The following FAM240C variants were observed in gnomAD, a reference collection of about 807,000 sequenced individuals.
FAM240C encodes the protein family with sequence similarity 240 member C, also known as protein FAM240C.
Under a neutral mutation model 10.0 loss-of-function variants are expected in FAM240C, and 14 were observed. The observed-to-expected ratio is 1.40, with a 90% CI of 0.92 to 2.19. FAM240C has a LOEUF of 2.19. Among genes scored for constraint, FAM240C ranks in the 30% most tolerant of loss-of-function variants. The pLI is 0.00. For synonymous variants in FAM240C, 49 were observed against 44.3 expected (o/e 1.11, Z -0.42); for missense variants, 154 against 122.3 (o/e 1.26, Z -1.22).
upstream of FAM240C, among the ~76,000 whole-genome samples, chr2:241,901,005 C>T (rs1701969793): frequency 2.0e-5 from 3 of 152,052 alleles, no homozygotes; most frequent in African/African-American, 7.2e-5. The surrounding 1 kb of genome is among the most constrained non-coding windows in gnomAD (Gnocchi z 4.9). Flanking sequence ...GGTGTAAATT[C>T]CAGACCTTGG....
intron 2 of FAM240C, among the ~76,000 whole-genome samples, chr2:241,896,543 GT>G (rs1701813313): frequency 5.3e-5 from 6 of 113,912 alleles, no homozygotes; most frequent in East Asian, 2.2e-4. Context: ...GGGTGTGGGT[GT>G]TGGGGTGTGT....
rs1456330234 is a variant in FAM240C, at chr2:241,894,174, C to T, written c.*39G>A. ...ACGCGTGGTGTTCCTTCTCCATGACCCTCCGGAAGCTCATGCAGAGTCTGG... is the reference window on the plus strand; with the variant it reads ...ACGCGTGGTGTTCCTTCTCCATGACTCTCCGGAAGCTCATGCAGAGTCTGG... On this transcript the variant is annotated 3_prime_UTR_variant, in exon 3 of 3. Transcript: ENST00000404031. 6.5e-7 allele frequency: 1 copy of T among 1,531,396 alleles called. No individual in the cohort carries two copies. The highest frequency in any genetic ancestry group is 8.8e-7 in the Non-Finnish European group (1 of 1,132,326). The allele number at this position is 1,531,396 out of a possible 1,614,324, so 94.9% of individuals were successfully genotyped here.
At chr2:241,898,898 G>A (rs1464715247) in intron 1 of FAM240C, among the ~76,000 whole-genome samples, 1 of 152,256 alleles carries the variant, frequency 6.6e-6, no homozygotes, top group Non-Finnish European at 1.5e-5. Context: ...GCTCCTCGGG[G>A]CCTATGGGGT....
At chr2:241,899,342 C>T in intron 1 of FAM240C, 1 of 985,410 alleles carries the variant, frequency 1.0e-6, no homozygotes, top group Non-Finnish European at 1.2e-6. Flanking sequence ...GATGCCACGC[C>T]CTTTGTTCCA....
chr2:241,898,381 G>A (rs1367167730), intron 1 of FAM240C, among the ~76,000 whole-genome samples: 2 of 152,060 alleles, frequency 1.3e-5, no homozygotes, highest in Non-Finnish European at 2.9e-5. Flanking sequence ...GTGAAACCCT[G>A]TCTCTACTAA....
At chr2:241,898,614 G>A (rs1559469704) in intron 1 of FAM240C, among the ~76,000 whole-genome samples, 1 of 151,896 alleles carries the variant, frequency 6.6e-6, no homozygotes, top group Non-Finnish European at 1.5e-5. Flanking sequence ...GACAGCAGCA[G>A]CCCCTTTTCT....
intron 1 of FAM240C, among the ~76,000 whole-genome samples, chr2:241,897,949 G>C (rs746567597): frequency 6.6e-6 from 1 of 152,064 alleles, no homozygotes; most frequent in South Asian, 2.1e-4. Flanking sequence ...TGCCCAGGCC[G>C]GTCTTGAGCT....
At chr2:241,896,650 TGGGTGAA>T (rs1701821852) in intron 2 of FAM240C, among the ~76,000 whole-genome samples, 1 of 28,008 alleles carries the variant, frequency 3.6e-5, no homozygotes, top group Non-Finnish European at 8.4e-5. Context: ...TGAAGGGGTG[TGGGTGAA>T]GGGGTGTGGG....
intron 2 of FAM240C, 72 bp from the exon 3 acceptor site, chr2:241,894,411 C>G (rs1701737743): frequency 6.7e-7 from 1 of 1,482,534 alleles, no homozygotes; most frequent in African/African-American, 1.4e-5. Flanking sequence ...GCCCGTGTCT[C>G]TCAGCACCTG....
Position 241,897,183 on chromosome 2 carries a change from C to G in FAM240C, c.161+3G>C. ...CCCCGATGCACTGCACACCCCGACT[C>G]ACTTGTTCAGAGCGCTTCTGCGAAC... On this transcript the variant is annotated splice_donor_region_variant and intron_variant, in intron 2 of 2. Coordinates refer to ENST00000404031, the MANE Select transcript of FAM240C (RefSeq NM_001382368.1). 6.5e-7 allele frequency: 1 copy of G among 1,549,568 alleles called. No homozygotes were observed. Among genetic ancestry groups the G allele is most frequent in the Non-Finnish European group, 8.7e-7 (1 of 1,146,374 alleles).
chr2:241,899,249 G>C (rs1701927005), intron 1 of FAM240C: 1 of 1,300,850 alleles, frequency 7.7e-7, no homozygotes, highest in Non-Finnish European at 1.0e-6. Context: ...CGCGGGCGCT[G>C]TGGCCTGCGC....
At chr2:241,896,320 T>C (rs1701801255) in intron 2 of FAM240C, among the ~76,000 whole-genome samples, 1 of 152,294 alleles carries the variant, frequency 6.6e-6, no homozygotes, top group Admixed American at 6.5e-5. Context: ...AAAGGCGTGC[T>C]GGCTTGGTAT....
chr2:241,899,389 G>A, intron 1 of FAM240C: 1 of 965,626 alleles, frequency 1.0e-6, no homozygotes, highest in Non-Finnish European at 1.2e-6. Flanking sequence ...TGAAGGGACT[G>A]AACTCAGCCA....
At chr2:241,894,627 G>A (rs531844356) in intron 2 of FAM240C, among the ~76,000 whole-genome samples, 17 of 146,410 alleles carry the variant, frequency 1.2e-4, no homozygotes, top group Admixed American at 4.8e-4. Context: ...GAGGAAAAAT[G>A]CCTTCCCCGG....
At chr2:241,896,587 T>TGTGGGTGTGGGGGTGTGGGTGTG (rs1701816926) in intron 2 of FAM240C, among the ~76,000 whole-genome samples, 2 of 5,612 alleles carry the variant, frequency 3.6e-4, no homozygotes, top group Non-Finnish European at 7.6e-4. Context: ...GTGTGGGTGT[T>TGTGGGTGTGGGGGTGTGGGTGTG]GGGGTGTGGG....
At chr2:241,894,691 C>T (rs995261635) in intron 2 of FAM240C, among the ~76,000 whole-genome samples, 20 of 152,062 alleles carry the variant, frequency 1.3e-4, no homozygotes, top group Admixed American at 1.3e-4. Flanking sequence ...AGAGACTGTG[C>T]CTGAGCTTGA....
At position 241,897,257 on chromosome 2, in the gene FAM240C, C is replaced by T; in HGVS notation, c.90G>A (p.Glu30=). 1 of 1,549,954 alleles carries T rather than the reference C, an allele frequency of 6.5e-7. No individual in the cohort carries two copies. Among genetic ancestry groups the T allele is most frequent in the Non-Finnish European group, 8.7e-7 (1 of 1,146,556 alleles). The change falls in exon 2 of 3, where the codon GAG becomes GAA. Residue 30 remains glutamate (E), a synonymous_variant. Coordinates refer to ENST00000404031, the MANE Select transcript of FAM240C (RefSeq NM_001382368.1). Reference sequence around the variant, plus strand: ...GTCTTGCGTGATGCTCGATTTTTTTCTCCCAAAACATCTTTATCCCGCCTG... The same window carrying T: ...GTCTTGCGTGATGCTCGATTTTTTTTTCCCAAAACATCTTTATCCCGCCTG... The part of the protein sequence containing the change: ...YDSGGIKMFW[E]KKIEHHARHL...
chr2:241,895,887 G>A (rs1409986917), intron 2 of FAM240C, among the ~76,000 whole-genome samples: 2 of 151,758 alleles, frequency 1.3e-5, no homozygotes, highest in South Asian at 2.1e-4. Flanking sequence ...GCGGAGGCAC[G>A]TAGGCACACA....
chr2:241,899,318 A>G, intron 1 of FAM240C: 1 of 985,464 alleles, frequency 1.0e-6, no homozygotes, highest in Non-Finnish European at 1.2e-6. Context: ...GGAGGGCCAC[A>G]GAAATCGCCC....
Sources: allele counts gnomAD v4.1 joint callset (sites outside exome capture counted in the v4.1 genomes callset), GRCh38; gene constraint gnomAD v4.1.1; non-coding constraint Gnocchi (gnomAD v3.1); transcripts MANE v1.5; gene names NCBI Gene and HGNC (gene_info 2026-07-23, HGNC 2026-07-21).